The following EPHA5 variants were observed in gnomAD, a reference collection of about 807,000 sequenced individuals.
EPHA5 encodes the protein EPH receptor A5.
In EPHA5, 60 loss-of-function variants were observed where a neutral mutation model predicts 105.0. That is an observed-to-expected ratio of 0.57 (90% CI 0.46 to 0.71). The LOEUF (loss-of-function observed/expected upper bound fraction) is 0.71. Ranked by LOEUF, EPHA5 falls within the 30% of genes least tolerant of loss-of-function variation. The pLI, the probability that EPHA5 is intolerant of heterozygous loss-of-function variation, is 0.00. For missense variants in EPHA5, 1,218 were observed against 1,274.7 expected (o/e 0.96, Z 0.68); for synonymous variants, 513 against 449.1 (o/e 1.14, Z -1.80).
At chr4:65,634,560 T>A (rs925250977) in intron 2 of EPHA5, among the ~76,000 whole-genome samples, 4 of 152,090 alleles carry the variant, frequency 2.6e-5, no homozygotes, top group Non-Finnish European at 4.4e-5. Context: ...TTATTTATCT[T>A]AATTATTTTA....
At chr4:65,445,626 C>A (rs1726446132) in intron 5 of EPHA5, among the ~76,000 whole-genome samples, 1 of 152,154 alleles carries the variant, frequency 6.6e-6, no homozygotes, top group African/African-American at 2.4e-5. Context: ...CGGTTGCTAT[C>A]TAAAATTTTA....
At chr4:65,523,312 T>C (rs746240947) in intron 3 of EPHA5, among the ~76,000 whole-genome samples, 19 of 152,064 alleles carry the variant, frequency 1.2e-4, no homozygotes, top group African/African-American at 4.3e-4. Flanking sequence ...TGATTTCTAA[T>C]GCTGACTTGG....
chr4:65,567,297 G>A (rs1160763023), intron 3 of EPHA5, among the ~76,000 whole-genome samples: 3 of 151,524 alleles, frequency 2.0e-5, no homozygotes, highest in African/African-American at 4.8e-5. Context: ...CATTCAACAA[G>A]GTTTCATCAG....
chr4:65,574,677 T>C (rs1432934952), intron 3 of EPHA5, among the ~76,000 whole-genome samples: 19 of 35,240 alleles, frequency 5.4e-4, no homozygotes, highest in African/African-American at 1.4e-3. Context: ...CACATATATA[T>C]ACATATATAT....
At chr4:65,528,784 G>A (rs560631325) in intron 3 of EPHA5, among the ~76,000 whole-genome samples, 2 of 152,132 alleles carry the variant, frequency 1.3e-5, no homozygotes, top group African/African-American at 4.8e-5. Context: ...GCACTAAATC[G>A]AGCACTTAAA....
intron 2 of EPHA5, among the ~76,000 whole-genome samples, chr4:65,619,137 G>A (rs901739931): frequency 5.3e-5 from 8 of 151,970 alleles, no homozygotes; most frequent in Non-Finnish European, 1.0e-4. Context: ...GACAGAGTGA[G>A]ACTCCGTCCA....
chr4:65,649,105 T>A (rs1748372249), intron 1 of EPHA5, among the ~76,000 whole-genome samples: 1 of 152,208 alleles, frequency 6.6e-6, no homozygotes, highest in Admixed American at 6.5e-5. Context: ...TTCTGAGCAA[T>A]CCATATGCAT....
intron 2 of EPHA5, among the ~76,000 whole-genome samples, chr4:65,607,430 A>G (rs1270356886): frequency 6.6e-6 from 1 of 152,108 alleles, no homozygotes; most frequent in African/African-American, 2.4e-5. Context: ...TACCCATCTG[A>G]CAAAGGGCTA....
At chr4:65,461,278 A>G (rs1302673787) in intron 5 of EPHA5, among the ~76,000 whole-genome samples, 1 of 151,886 alleles carries the variant, frequency 6.6e-6, no homozygotes, top group African/African-American at 2.4e-5. Flanking sequence ...ATTTAATATT[A>G]TGTTTCCATT....
chr4:65,375,460 T>A (rs993403427), intron 8 of EPHA5, among the ~76,000 whole-genome samples: 19 of 151,914 alleles, frequency 1.3e-4, no homozygotes, highest in Non-Finnish European at 2.4e-4. Context: ...TCTTTTATTC[T>A]ATTCGTTTTA....
chr4:65,382,198 C>G (rs1719627492), intron 8 of EPHA5, among the ~76,000 whole-genome samples: 1 of 151,352 alleles, frequency 6.6e-6, no homozygotes. Context: ...ATTTCTTACT[C>G]TAAAAAAAAC....
chr4:65,395,110 C>A (rs1578005723), intron 8 of EPHA5, among the ~76,000 whole-genome samples: 1 of 152,130 alleles, frequency 6.6e-6, no homozygotes, highest in African/African-American at 2.4e-5. Context: ...CAAGTCATTG[C>A]TTTGACTAAC....
intron 3 of EPHA5, among the ~76,000 whole-genome samples, chr4:65,600,475 G>T (rs928252614): frequency 1.3e-5 from 2 of 152,144 alleles, no homozygotes; most frequent in African/African-American, 2.4e-5. Context: ...AGTGCAATGT[G>T]TTTCTGGAGA....
intron 14 of EPHA5, among the ~76,000 whole-genome samples, chr4:65,347,777 T>A (rs1029883145): frequency 6.6e-6 from 1 of 152,274 alleles, no homozygotes; most frequent in East Asian, 1.9e-4. Context: ...TTGAAAATGA[T>A]ACTGACAAGA....
At chr4:65,530,667 C>G (rs928571207) in intron 3 of EPHA5, among the ~76,000 whole-genome samples, 1 of 152,146 alleles carries the variant, frequency 6.6e-6, no homozygotes, top group Non-Finnish European at 1.5e-5. Flanking sequence ...GAATGACAGA[C>G]TTCTGATAAT....
At chr4:65,631,119 C>A (rs1746593610) in intron 2 of EPHA5, among the ~76,000 whole-genome samples, 1 of 151,986 alleles carries the variant, frequency 6.6e-6, no homozygotes, top group African/African-American at 2.4e-5. Flanking sequence ...AGAGTGTTGT[C>A]ATAGATTTAT....
chr4:65,391,623 G>A (rs1560486131), intron 8 of EPHA5, among the ~76,000 whole-genome samples: 1 of 152,102 alleles, frequency 6.6e-6, no homozygotes, highest in Non-Finnish European at 1.5e-5. Context: ...TCCTGTGAAA[G>A]GCTGTGTTAT....
At chr4:65,569,629 C>A (rs558816469) in intron 3 of EPHA5, among the ~76,000 whole-genome samples, 1 of 151,678 alleles carries the variant, frequency 6.6e-6, no homozygotes, top group South Asian at 2.1e-4. Context: ...TTGAAACATG[C>A]ATGAAAAATT....
intron 16 of EPHA5, among the ~76,000 whole-genome samples, chr4:65,326,525 C>A (rs1307164002): frequency 6.6e-6 from 1 of 151,336 alleles, no homozygotes; most frequent in African/African-American, 2.4e-5. Flanking sequence ...TTCTGTTATG[C>A]ACTAATATTC....
Sources: gnomAD v4.1 joint callset for allele counts (sites outside exome capture counted in the v4.1 genomes callset) on GRCh38, gnomAD v4.1.1 for gene constraint, MANE v1.5 for transcripts, NCBI Gene and HGNC (gene_info 2026-07-23, HGNC 2026-07-21) for gene names.